PLEKHM1: variants seen among roughly 807,000 people sequenced by gnomAD.
PLEKHM1 encodes the protein pleckstrin homology domain-containing family M member 1.
Under a neutral mutation model 94.3 loss-of-function variants are expected in PLEKHM1, and 28 were observed. The observed-to-expected ratio is 0.30, with a 90% confidence interval of 0.22 to 0.41. The LOEUF (loss-of-function observed/expected upper bound fraction) is 0.41. Ranked by LOEUF, PLEKHM1 falls within the 10% of genes least tolerant of loss-of-function variation. The pLI is 1.00. For missense variants in PLEKHM1, 907 were observed against 1,358.6 expected (o/e 0.67, Z 5.22); for synonymous variants, 424 against 581.2 (o/e 0.73, Z 3.89).
chr17:45,441,503 CT>C (rs1311609473), intron 9 of PLEKHM1, among the ~76,000 whole-genome samples: 11 of 152,216 alleles, frequency 7.2e-5, no homozygotes, highest in Non-Finnish European at 1.5e-4. Flanking sequence ...ACACAGCAGG[CT>C]GGGGGGACAC....
chr17:45,447,903 T>C (rs2050659286), intron 8 of PLEKHM1: 1 of 151,644 alleles, frequency 6.6e-6, no homozygotes. Flanking sequence ...GTTCAAGAGA[T>C]CCTCCTACCT....
At chr17:45,471,206 T>C (rs2051499752) in intron 4 of PLEKHM1, among the ~76,000 whole-genome samples, 1 of 151,610 alleles carries the variant, frequency 6.6e-6, no homozygotes, top group Non-Finnish European at 1.5e-5. Flanking sequence ...CTCAACAGCA[T>C]CAGTCATCAG....
chr17:45,444,563 A>G lies in PLEKHM1; in HGVS notation c.2837+907T>C, dbSNP rs2050543964. ...GGCATGGGCCAGACGACTGGCTGGTACAGGGAAGAGATGGGAACATCTGGC... is the reference window on the plus strand; with the variant it reads ...GGCATGGGCCAGACGACTGGCTGGTGCAGGGAAGAGATGGGAACATCTGGC... On this transcript the variant is annotated intron_variant, in intron 9 of 11. Transcript: ENST00000430334. The surrounding 1 kb of genome is among the most constrained non-coding windows in gnomAD (Gnocchi z 5.0). Among the ~76,000 whole-genome samples the G allele has an allele frequency of 6.6e-6, 1 of 152,166 alleles. No homozygotes were observed. Among genetic ancestry groups the G allele is most frequent in the African/African-American group, 2.4e-5 (1 of 41,440 alleles).
chr17:45,484,893 G>C (rs1466332177), intron 1 of PLEKHM1, among the ~76,000 whole-genome samples: 1 of 151,144 alleles, frequency 6.6e-6, no homozygotes, highest in Non-Finnish European at 1.5e-5. Context: ...AATGGTGGAA[G>C]GTGCTCTGAT....
At chr17:45,460,015 T>G (rs2051105012) in intron 5 of PLEKHM1, 1 of 151,504 alleles carries the variant, frequency 6.6e-6, no homozygotes, top group South Asian at 2.1e-4. Context: ...GTATGACTGA[T>G]GTCCTTATAA....
At chr17:45,470,899 C>A (rs1318950651) in intron 4 of PLEKHM1, among the ~76,000 whole-genome samples, 2 of 151,852 alleles carry the variant, frequency 1.3e-5, no homozygotes, top group Non-Finnish European at 2.9e-5. Flanking sequence ...ATCTCCTGAC[C>A]TCGTGATCCG....
chr17:45,490,318 G>A (rs540797580), intron 1 of PLEKHM1, among the ~76,000 whole-genome samples: 46 of 152,078 alleles, frequency 3.0e-4, no homozygotes, highest in Non-Finnish European at 8.8e-5. Context: ...GTCAGGGCGG[G>A]GCGAAGGGAC....
At position 45,454,260 on chromosome 17, in the gene PLEKHM1, G is replaced by A; in HGVS notation, c.1592C>T (p.Pro531Leu). Residue 531 changes from proline (P) to leucine (L), a missense_variant, in exon 7 of 12, where the codon CCA (proline) becomes CTA (leucine). Coordinates refer to ENST00000430334, the MANE Select transcript of PLEKHM1 (RefSeq NM_014798.3). ...VHRRQMGLSN[P>L]FRGLMKLGTV... ...GCCCAGCTTCATGAGACCCCGGAAT[G>A]GGTTGGACAGTCCTGGAGGCAGAGG... The A allele has an allele frequency of 1.9e-6, 3 of 1,605,854 alleles. No homozygotes were observed. The highest frequency in any genetic ancestry group is 2.6e-6 in the Non-Finnish European group (3 of 1,176,436).
chr17:45,435,655 G>T (rs1320947279), downstream of PLEKHM1, among the ~76,000 whole-genome samples: 2 of 152,230 alleles, frequency 1.3e-5, no homozygotes, highest in Non-Finnish European at 2.9e-5. Flanking sequence ...CCTCCCCAGA[G>T]ACCCTGAGAT....
intron 10 of PLEKHM1, 64 bp from the exon 11 acceptor site, chr17:45,439,698 T>G: frequency 6.2e-7 from 1 of 1,603,486 alleles, no homozygotes; most frequent in South Asian, 1.1e-5. Context: ...GCTGGTAAAC[T>G]GAGGCCCCAG....
chr17:45,443,471 C>T (rs1416853266), intron 9 of PLEKHM1, among the ~76,000 whole-genome samples: 1 of 152,256 alleles, frequency 6.6e-6, no homozygotes, highest in Non-Finnish European at 1.5e-5. Context: ...GGGACTTCCA[C>T]AGGCATGGGA....
At chr17:45,439,374 T>C in intron 11 of PLEKHM1, 103 bp downstream of exon 11, 6 of 1,329,196 alleles carry the variant, frequency 4.5e-6, no homozygotes, top group Middle Eastern at 2.3e-4. Flanking sequence ...GTTCAATAAG[T>C]TCCTGCCCAC....
intron 7 of PLEKHM1, among the ~76,000 whole-genome samples, chr17:45,452,105 C>T (rs2050790248): frequency 6.6e-6 from 1 of 152,192 alleles, no homozygotes; most frequent in Non-Finnish European, 1.5e-5. Flanking sequence ...AACCCCCTCA[C>T]AGGTCACCTA....
chr17:45,483,335 T>A (rs115310713), intron 1 of PLEKHM1, among the ~76,000 whole-genome samples: 5,933 of 151,666 alleles, frequency 0.039, 369 homozygotes, highest in African/African-American at 0.13. Context: ...AAGAATGTCA[T>A]CACCTAAATG....
chr17:45,482,660 TA>T (rs2145352119), intron 1 of PLEKHM1, 135 bp from the exon 2 acceptor site: 1 of 694,224 alleles, frequency 1.4e-6, no homozygotes, highest in South Asian at 1.5e-5. Context: ...AACACAAAAG[TA>T]AAAACTGATA....
intron 8 of PLEKHM1, among the ~76,000 whole-genome samples, chr17:45,449,626 T>C (rs1268036425): frequency 3.1e-4 from 41 of 133,038 alleles, no homozygotes; most frequent in African/African-American, 6.3e-4. Context: ...ACCTGCTCAT[T>C]CACCTACCTA....
At chr17:45,486,399 G>A (rs1456112896) in intron 1 of PLEKHM1, among the ~76,000 whole-genome samples, 2 of 151,088 alleles carry the variant, frequency 1.3e-5, no homozygotes, top group East Asian at 3.9e-4. Context: ...TGGCTAACAC[G>A]GTGAAACCCC....
chr17:45,490,658 G>C lies in PLEKHM1; in HGVS notation c.-48C>G, dbSNP rs1264601157. On this transcript the variant is annotated 5_prime_UTR_variant, in exon 1 of 12. Transcript: ENST00000430334. Reference sequence around the variant, plus strand: ...TCTTGACCCCCTAACTCACCAAGCGGAGCGAGGAGCGAGGCGAGGGGCGCT... The same window carrying C: ...TCTTGACCCCCTAACTCACCAAGCGCAGCGAGGAGCGAGGCGAGGGGCGCT... 2 of 450,690 alleles carry C rather than the reference G, an allele frequency of 4.4e-6. No individual in the cohort carries two copies. Among genetic ancestry groups the C allele is most frequent in the Admixed American group, 2.4e-5 (1 of 42,364 alleles). The allele number at this position is 450,690 out of a possible 1,614,324, so 27.9% of individuals were successfully genotyped here. A position where few individuals can be genotyped will look rare whatever the true frequency, so the allele number is the denominator to read the frequency against.
chr17:45,446,980 G>C (rs550450238), intron 8 of PLEKHM1, among the ~76,000 whole-genome samples: 4 of 152,192 alleles, frequency 2.6e-5, no homozygotes, highest in African/African-American at 9.7e-5. Flanking sequence ...GCTTTGGCCC[G>C]GCACTCGGCA....
Sources: allele counts gnomAD v4.1 joint callset (sites outside exome capture counted in the v4.1 genomes callset), GRCh38; gene constraint gnomAD v4.1.1; non-coding constraint Gnocchi (gnomAD v3.1); transcripts MANE v1.5; gene names NCBI Gene and HGNC (gene_info 2026-07-23, HGNC 2026-07-21).